Variants in TMEM178B observed in about 807,000 individuals in gnomAD.
TMEM178B encodes the protein transmembrane protein 178B.
TMEM178B carries 5 observed loss-of-function variants against 31.0 expected under a neutral mutation model. The observed-to-expected ratio is 0.16, with a 90% CI of 0.08 to 0.34. The LOEUF (loss-of-function observed/expected upper bound fraction) is 0.34, where lower values mean the gene tolerates loss of function less well. Among genes scored for constraint, TMEM178B ranks in the 10% least tolerant of loss-of-function variants. The pLI is 1.00. For missense variants in TMEM178B, 275 were observed against 400.3 expected, an observed-to-expected ratio of 0.69 and a Z score of 2.67; for synonymous variants, 164 against 164.0, an observed-to-expected ratio of 1.00 and a Z score of 0.00.
At chr7:141,148,167 A>G (rs1055855413) in intron 1 of TMEM178B, among the ~76,000 whole-genome samples, 1 of 152,086 alleles carries the variant, frequency 6.6e-6, no homozygotes, top group African/African-American at 2.4e-5. Context: ...TCATGGCCCC[A>G]TATCACTCCA....
At chr7:141,501,317 G>GA in the TMEM178B span, among the ~76,000 whole-genome samples, 67 of 144,640 alleles carry the variant, frequency 4.6e-4, no homozygotes, top group Middle Eastern at 3.5e-3. Flanking sequence ...TTTATTAGGA[G>GA]AAAAAAAAAA....
chr7:141,337,113 CCACCATCACCACCAT>C (rs1799423246), intron 2 of TMEM178B, among the ~76,000 whole-genome samples: 1 of 65,556 alleles, frequency 1.5e-5, no homozygotes, highest in Non-Finnish European at 2.7e-5. Context: ...ATCACCACCA[CCACCATCACCACCAT>C]CACCACCACC....
intron 2 of TMEM178B, among the ~76,000 whole-genome samples, chr7:141,346,588 A>G (rs1799623850): frequency 6.6e-6 from 1 of 151,882 alleles, no homozygotes; most frequent in Non-Finnish European, 1.5e-5. Flanking sequence ...ACACATAGGC[A>G]ATGGACATAT....
intron 2 of TMEM178B, among the ~76,000 whole-genome samples, chr7:141,229,100 G>GTGT (rs1554465447): frequency 2.7e-4 from 37 of 134,852 alleles, no homozygotes; most frequent in African/African-American, 1.1e-3. Flanking sequence ...GTGTGTGTGT[G>GTGT]GTGTGTGTGT....
chr7:141,193,242 C>G (rs949830665), intron 1 of TMEM178B, among the ~76,000 whole-genome samples: 6 of 152,220 alleles, frequency 3.9e-5, no homozygotes, highest in Non-Finnish European at 7.3e-5. Flanking sequence ...CGTGCAGCAC[C>G]AGTTCTGTTC....
At chr7:141,148,209 A>G (rs1489403098) in intron 1 of TMEM178B, among the ~76,000 whole-genome samples, 2 of 152,160 alleles carry the variant, frequency 1.3e-5, no homozygotes, top group Non-Finnish European at 2.9e-5. Flanking sequence ...CATCTTCTCC[A>G]ACTTTAACCT....
intron 1 of TMEM178B, among the ~76,000 whole-genome samples, chr7:141,189,603 G>A (rs1399305849): frequency 6.6e-6 from 1 of 152,188 alleles, no homozygotes. Context: ...TAAAGCAGAG[G>A]CCCAGTTACC....
In TMEM178B at chr7:141,074,606, G is replaced by A. The variant is rs1230543739; in HGVS notation, c.296G>A (p.Arg99Gln). The change falls in exon 1 of 4, where the codon CGG (arginine) becomes CAG (glutamine). Residue 99 changes from arginine (R) to glutamine (Q), a missense_variant. Transcript: ENST00000565468. The surrounding 1 kb of genome is among the most constrained non-coding windows in gnomAD (Gnocchi z 5.1). ...FAMSPADECSRQYNSTNMGLW... is the reference protein window; with the variant it reads ...FAMSPADECSQQYNSTNMGLW... ...ATGAGCCCCGCGGACGAGTGCAGCC[G>A]GCAGTACAACTCCACCAACATGGGC... 3.3e-6 allele frequency: 5 copies of A among 1,535,750 alleles called. No individual in the cohort carries two copies. Among genetic ancestry groups the A allele is most frequent in the Non-Finnish European group, 4.4e-6 (5 of 1,146,688 alleles).
chr7:141,198,581 C>G (rs1294422995), intron 1 of TMEM178B, among the ~76,000 whole-genome samples: 2 of 152,142 alleles, frequency 1.3e-5, no homozygotes, highest in Non-Finnish European at 2.9e-5. Flanking sequence ...GGATTCTTAT[C>G]AAAAGTGACA....
chr7:141,198,314 C>A (rs1796818611), intron 1 of TMEM178B, among the ~76,000 whole-genome samples: 1 of 152,184 alleles, frequency 6.6e-6, no homozygotes, highest in Non-Finnish European at 1.5e-5. Flanking sequence ...GAGAAGCTGG[C>A]CAGCAGAGTG....
chr7:141,288,452 A>G (rs1438853246), intron 2 of TMEM178B, among the ~76,000 whole-genome samples: 1 of 151,234 alleles, frequency 6.6e-6, no homozygotes, highest in Non-Finnish European at 1.5e-5. Flanking sequence ...ACCTACAAAG[A>G]TAAGCAGAGC....
intron 2 of TMEM178B, among the ~76,000 whole-genome samples, chr7:141,348,160 G>A (rs1308755103): frequency 2.0e-5 from 3 of 152,126 alleles, no homozygotes; most frequent in Non-Finnish European, 2.9e-5. Flanking sequence ...TTACGATAGC[G>A]GGTTGGTTTT....
chr7:141,281,686 A>T (rs536921659), intron 2 of TMEM178B, among the ~76,000 whole-genome samples: 3 of 152,194 alleles, frequency 2.0e-5, no homozygotes, highest in Non-Finnish European at 4.4e-5. Context: ...TTCGTAGAAG[A>T]GTCACCCTGG....
chr7:141,192,519 C>G (rs1388454122), intron 1 of TMEM178B, among the ~76,000 whole-genome samples: 1 of 151,284 alleles, frequency 6.6e-6, no homozygotes, highest in African/African-American at 2.4e-5. Context: ...GACAGAGTCT[C>G]ACTCTGTCGC....
At chr7:141,462,987 C>G (rs1690901195) in intron 3 of TMEM178B, among the ~76,000 whole-genome samples, 1 of 152,128 alleles carries the variant, frequency 6.6e-6, no homozygotes, top group African/African-American at 2.4e-5. Context: ...CTCGGCCATG[C>G]CTTCCCACTC....
rs10600930 is a variant in TMEM178B at position 141,126,856 on chromosome 7, A to AGTGTGT, written c.382+52195_382+52200dup. On this transcript the variant is annotated intron_variant, in intron 1 of 3. Coordinates refer to ENST00000565468, the MANE Select transcript of TMEM178B (RefSeq NM_001195278.2). ...CATCTCCTCTTTGGTATCTTCTCAAAGTGTGTGTGTGTGTGTGTGTGTGTG... is the reference window on the plus strand; with the variant it reads ...CATCTCCTCTTTGGTATCTTCTCAAAGTGTGTGTGTGTGTGTGTGTGTGTGTGTGTG... Among the ~76,000 whole-genome samples the AGTGTGT allele has an allele frequency of 3.0e-3, 434 of 145,680 alleles. 1 individual carries two copies. The highest frequency in any genetic ancestry group is 2.6e-3 in the Non-Finnish European group (169 of 65,754).
At chr7:141,093,164 G>A (rs1794906401) in intron 1 of TMEM178B, among the ~76,000 whole-genome samples, 1 of 152,098 alleles carries the variant, frequency 6.6e-6, no homozygotes, top group South Asian at 2.1e-4. Context: ...GATTATAGAA[G>A]GGCATATATA....
intron 2 of TMEM178B, among the ~76,000 whole-genome samples, chr7:141,316,962 T>TA (rs1799016633): frequency 6.6e-6 from 1 of 152,216 alleles, no homozygotes; most frequent in East Asian, 1.9e-4. Context: ...GAATGATGGT[T>TA]AGGCATTTGC....
chr7:141,101,345 T>C (rs970888410), intron 1 of TMEM178B, among the ~76,000 whole-genome samples: 7 of 152,358 alleles, frequency 4.6e-5, no homozygotes, highest in Non-Finnish European at 8.8e-5. Flanking sequence ...ACTGGAATAA[T>C]AGATTTTTAT....
Sources: allele counts gnomAD v4.1 joint callset (sites outside exome capture counted in the v4.1 genomes callset), GRCh38; gene constraint gnomAD v4.1.1; non-coding constraint Gnocchi (gnomAD v3.1); transcripts MANE v1.5; gene names NCBI Gene and HGNC (gene_info 2026-07-23, HGNC 2026-07-21).